Variants in GLB1 observed in about 807,000 individuals in gnomAD.
GLB1 encodes the protein beta-galactosidase.
A neutral mutation model predicts 74.0 loss-of-function variants in GLB1; 56 were observed. That is an observed-to-expected ratio of 0.76 (90% CI 0.61 to 0.94). GLB1 has a LOEUF of 0.94. GLB1 is among the 40% of genes least tolerant of loss of function. The pLI, the probability that GLB1 is intolerant of heterozygous loss-of-function variation, is 0.00. For synonymous variants in GLB1, 323 were observed against 323.6 expected, an observed-to-expected ratio of 1.00 and a Z score of 0.02; for missense variants, 787 against 845.5, an observed-to-expected ratio of 0.93 and a Z score of 0.86.
At chr3:33,066,532 AT>A (rs956981630) in intron 4 of GLB1, among the ~76,000 whole-genome samples, 148 of 152,300 alleles carry the variant, frequency 9.7e-4, no homozygotes, top group African/African-American at 3.4e-3. Context: ...ACTGTAGGAA[AT>A]AAATGCTTTT....
chr3:33,074,879 T>C (rs1374317716), intron 1 of GLB1, among the ~76,000 whole-genome samples: 1 of 152,180 alleles, frequency 6.6e-6, no homozygotes, highest in Non-Finnish European at 1.5e-5. Context: ...AGATCACACA[T>C]GCCTGAAATC....
In GLB1 at chr3:33,065,516, G is replaced by A. The variant is rs1359182557; in HGVS notation, c.499C>T (p.Pro167Ser). ...TGATAGAGGAGAGGCTTCATCTTGGGCAGAAGGACTCCCAACCACTTGTCC... is the reference window on the plus strand; with the variant it reads ...TGATAGAGGAGAGGCTTCATCTTGGACAGAAGGACTCCCAACCACTTGTCC... ...AVDKWLGVLL[P>S]KMKPLLYQNG... Residue 167 changes from proline to serine, a missense_variant, in exon 5 of 16, where the codon CCC becomes TCC. Coordinates refer to ENST00000307363, the MANE Select transcript of GLB1 (RefSeq NM_000404.4). 5 of 1,585,928 alleles carry A rather than the reference G, an allele frequency of 3.2e-6. No individual in the cohort carries two copies. Among genetic ancestry groups the A allele is most frequent in the Non-Finnish European group, 4.3e-6 (5 of 1,162,582 alleles).
chr3:33,042,877 G>A (rs935824979), intron 10 of GLB1, among the ~76,000 whole-genome samples: 1 of 152,182 alleles, frequency 6.6e-6, no homozygotes, highest in Non-Finnish European at 1.5e-5. Context: ...CAGCCACCAA[G>A]CACCTAAAAC....
chr3:33,084,401 A>C (rs969698878), intron 1 of GLB1, among the ~76,000 whole-genome samples: 1 of 152,250 alleles, frequency 6.6e-6, no homozygotes, highest in Non-Finnish European at 1.5e-5. Context: ...TGGAAGCACC[A>C]TTCCATCAGA....
intron 10 of GLB1, among the ~76,000 whole-genome samples, chr3:33,042,376 T>A (rs1288026532): frequency 7.4e-6 from 1 of 134,304 alleles, no homozygotes; most frequent in Non-Finnish European, 1.6e-5. Context: ...CCTCCTTTTT[T>A]TTTTTTTTTT....
chr3:33,064,776 C>CAAA (rs36181668), intron 5 of GLB1, among the ~76,000 whole-genome samples: 32,964 of 64,414 alleles, frequency 0.51, 10,967 homozygotes, highest in Middle Eastern at 0.72. Context: ...GACTCTCTCT[C>CAAA]AAAAAAAAAA....
chr3:33,083,931 T>C (rs568484847), intron 1 of GLB1, among the ~76,000 whole-genome samples: 1 of 152,300 alleles, frequency 6.6e-6, no homozygotes, highest in African/African-American at 2.4e-5. Context: ...CTAAAAGTAA[T>C]TATATTTGCA....
intron 4 of GLB1, 29 bp downstream of exon 4, chr3:33,068,201 A>G (rs914059861): frequency 6.2e-7 from 1 of 1,613,906 alleles, no homozygotes; most frequent in East Asian, 2.2e-5. Context: ...GCTTTTATAA[A>G]TCTTCTCAAG....
chr3:33,057,076 G>T (rs1254116715), intron 6 of GLB1, among the ~76,000 whole-genome samples: 2 of 152,338 alleles, frequency 1.3e-5, no homozygotes, highest in East Asian at 3.9e-4. Context: ...TGGATCGTGG[G>T]GGCAAAGTGC....
At chr3:33,057,085 G>A (rs116767544) in intron 6 of GLB1, among the ~76,000 whole-genome samples, 162 of 152,352 alleles carry the variant, frequency 1.1e-3, no homozygotes, top group African/African-American at 3.5e-3. Context: ...GGGGCAAAGT[G>A]CTTGTGAATG....
chr3:33,032,434 C>G (rs1698091780), intron 10 of GLB1, among the ~76,000 whole-genome samples: 1 of 152,178 alleles, frequency 6.6e-6, no homozygotes, highest in Non-Finnish European at 1.5e-5. Flanking sequence ...CTGCAATCCT[C>G]TATCTCAGGT....
At chr3:32,964,036 T>C in the GLB1 span, among the ~76,000 whole-genome samples, 1 of 152,176 alleles carries the variant, frequency 6.6e-6, no homozygotes, top group South Asian at 2.1e-4. Flanking sequence ...GATGCTGACG[T>C]CAGTCCTGAG....
chr3:32,966,541 A>G, the GLB1 span, among the ~76,000 whole-genome samples: 3 of 152,068 alleles, frequency 2.0e-5, no homozygotes, highest in African/African-American at 7.2e-5. Flanking sequence ...TTCAGATGAG[A>G]CTTTGGACTT....
intron 9 of GLB1, among the ~76,000 whole-genome samples, chr3:33,051,233 CAAAAAAAA>C (rs35399363): frequency 1.3e-5 from 1 of 76,412 alleles, no homozygotes; most frequent in Admixed American, 1.5e-4. Context: ...GACTGCGTCT[CAAAAAAAA>C]AAAAAAAAAA....
intron 11 of GLB1, among the ~76,000 whole-genome samples, chr3:33,022,562 GGA>G (rs1697536447): frequency 5.9e-5 from 1 of 17,028 alleles, no homozygotes; most frequent in Non-Finnish European, 2.7e-4. Context: ...ATACTGGTTA[GGA>G]TTTTTTTTTT....
chr3:33,058,088 C>T lies in GLB1; in HGVS notation c.733+1G>A, dbSNP rs1041204916. ...CAATTTCTGTTACTACAAACACCAA[C>T]CTGTTCCAAAGTCCACCGTGGTGTA... On this transcript the variant is annotated splice_donor_variant, in intron 6 of 15. Transcript: ENST00000307363. LOFTEE classifies it high-confidence loss of function. The T allele has an allele frequency of 3.7e-5, 59 of 1,613,486 alleles. No individual in the cohort carries two copies. Among genetic ancestry groups the T allele is most frequent in the Non-Finnish European group, 4.8e-5 (57 of 1,180,022 alleles).
At chr3:33,080,410 G>C (rs1300360268) in intron 1 of GLB1, among the ~76,000 whole-genome samples, 1 of 151,928 alleles carries the variant, frequency 6.6e-6, no homozygotes, top group Non-Finnish European at 1.5e-5. Flanking sequence ...GCCTACATCA[G>C]CTGTAGCTCT....
chr3:33,059,803 T>TA (rs1255190091), intron 5 of GLB1, among the ~76,000 whole-genome samples: 1 of 152,164 alleles, frequency 6.6e-6, no homozygotes, highest in Non-Finnish European at 1.5e-5. Context: ...ATTTCATTTA[T>TA]AAAAAATTAA....
At chr3:33,076,872 A>G (rs1700128764) in intron 1 of GLB1, among the ~76,000 whole-genome samples, 1 of 152,136 alleles carries the variant, frequency 6.6e-6, no homozygotes, top group Admixed American at 6.5e-5. Context: ...TAAAAACTGT[A>G]TTTCAGGGTT....
Sources: allele counts gnomAD v4.1 joint callset (sites outside exome capture counted in the v4.1 genomes callset), GRCh38; gene constraint gnomAD v4.1.1; transcripts MANE v1.5; gene names NCBI Gene and HGNC (gene_info 2026-07-23, HGNC 2026-07-21).